Variants in BRIP1 observed in about 807,000 individuals in gnomAD.
BRIP1 encodes the protein Fanconi anemia group J protein.
BRIP1 carries 88 observed loss-of-function variants against 119.7 expected under a neutral mutation model. The observed-to-expected ratio is 0.74, with a 90% confidence interval of 0.62 to 0.88. The LOEUF (loss-of-function observed/expected upper bound fraction) is 0.88. Ranked by LOEUF, BRIP1 falls within the 40% of genes least tolerant of loss-of-function variation. The pLI is 0.00. For missense variants in BRIP1, 1,259 were observed against 1,455.4 expected (o/e 0.87, Z 2.20); for synonymous variants, 443 against 496.5 (o/e 0.89, Z 1.43).
Position 61,741,229 on chromosome 17 carries a change from G to A in BRIP1, c.2379+1784C>T, listed in dbSNP as rs566112291. On this transcript the variant is annotated intron_variant, in intron 16 of 19. Coordinates refer to ENST00000259008, the MANE Select transcript of BRIP1 (RefSeq NM_032043.3). ...CATGAGATTGCAGCAATTTAGTCAC[G>A]TCTTAAGCTCCACTTCTAATTTAGT... Among the ~76,000 whole-genome samples, 38 of 152,202 alleles carry A rather than the reference G, an allele frequency of 2.5e-4. No homozygotes were observed. The South Asian group carries it at 7.7e-3, about 31-fold the overall frequency.
intron 6 of BRIP1, among the ~76,000 whole-genome samples, chr17:61,820,521 G>A (rs902714181): frequency 6.6e-6 from 1 of 152,140 alleles, no homozygotes; most frequent in Non-Finnish European, 1.5e-5. Flanking sequence ...GCCACATTTG[G>A]ATGAGACATA....
rs149016505 is a variant in BRIP1, at chr17:61,683,868, C to T, written c.3178G>A (p.Val1060Ile). 17 of 1,614,050 alleles carry T rather than the reference C, an allele frequency of 1.1e-5. No homozygotes were observed. The highest frequency in any genetic ancestry group is 1.6e-4 in the Middle Eastern group (1 of 6,084). ...GGGCATGATCCAAACGATGTGTTTA[C>T]TGTCAGATTTGAGGATTCACATTTA... ...TDKCESSNLT[V>I]NTSFGSCPQS... is the part of the protein sequence containing the mutation. The change falls in exon 20 of 20, where the codon GTA (valine) becomes ATA (isoleucine). Residue 1060 changes from valine (V) to isoleucine (I), a missense_variant. By Grantham distance (29) the Val-to-Ile change is conservative. Coordinates refer to ENST00000259008, the MANE Select transcript of BRIP1 (RefSeq NM_032043.3). This position sits in a 1 kb window ranked among gnomAD's most constrained non-coding sequence, Gnocchi z 4.7.
At chr17:61,786,989 A>G (rs1469301131) in intron 10 of BRIP1, among the ~76,000 whole-genome samples, 1 of 82,496 alleles carries the variant, frequency 1.2e-5, no homozygotes, top group East Asian at 3.5e-4. Flanking sequence ...AATTTATATA[A>G]ATTTATAAAT....
At chr17:61,835,748 T>C (rs928412797) in intron 6 of BRIP1, among the ~76,000 whole-genome samples, 7 of 151,074 alleles carry the variant, frequency 4.6e-5, no homozygotes, top group Non-Finnish European at 7.4e-5. Flanking sequence ...TCCAAGTACA[T>C]ATAACAATTT....
intron 4 of BRIP1, among the ~76,000 whole-genome samples, chr17:61,855,506 G>A (rs903452093): frequency 6.6e-6 from 1 of 150,868 alleles, no homozygotes. Flanking sequence ...TCGAACCCAG[G>A]AGGTGAAGGT....
intron 6 of BRIP1, among the ~76,000 whole-genome samples, chr17:61,813,780 A>G (rs1163249456): frequency 2.6e-5 from 4 of 152,002 alleles, no homozygotes; most frequent in African/African-American, 4.8e-5. Context: ...GAATCCCTAT[A>G]TATCAAGCCA....
In BRIP1 at chr17:61,827,407, C is replaced by A. The variant is rs967176982; in HGVS notation, c.628-18650G>T. 6.6e-6 allele frequency among the ~76,000 whole-genome samples: 1 copy of A among 151,974 alleles called. No homozygotes were observed. Among genetic ancestry groups the A allele is most frequent in the Non-Finnish European group, 1.5e-5 (1 of 68,000 alleles). ...CCTATATAACAAACCTGAGCATGTA[C>A]CCCTGAACTTAAAATAAAAATTAAA... On this transcript the variant is annotated intron_variant, in intron 6 of 19. Coordinates refer to ENST00000259008, the MANE Select transcript of BRIP1 (RefSeq NM_032043.3). This position sits in a 1 kb window ranked among gnomAD's most constrained non-coding sequence, Gnocchi z 5.8.
rs1216932812 is a variant in BRIP1 at position 61,844,874 on chromosome 17, T to C, written c.627+2227A>G. Among the ~76,000 whole-genome samples the C allele has an allele frequency of 6.6e-6, 1 of 152,222 alleles. No homozygotes were observed. Among genetic ancestry groups the C allele is most frequent in the Non-Finnish European group, 1.5e-5 (1 of 68,038 alleles). On this transcript the variant is annotated intron_variant, in intron 6 of 19. Transcript: ENST00000259008. The surrounding 1 kb of genome is among the most constrained non-coding windows in gnomAD (Gnocchi z 4.7). ...CAGTTTCTTCCTTCTCAGAGTTTCC[T>C]CATCTGTACGATGGGAATACCAATA...
rs1405646203 is a variant in BRIP1, at chr17:61,740,509, TCTCA to T, written c.2379+2500_2379+2503del. ...ATAAAATCTGTATCTACTAAATTTT[TCTCA>T]CTCATTCAGATTCACCAAAGATTTA... On this transcript the variant is annotated intron_variant, in intron 16 of 19. Transcript: ENST00000259008. This position sits in a 1 kb window ranked among gnomAD's most constrained non-coding sequence, Gnocchi z 5.4. Among the ~76,000 whole-genome samples the T allele has an allele frequency of 6.6e-6, 1 of 152,152 alleles. No individual in the cohort carries two copies. Among genetic ancestry groups the T allele is most frequent in the East Asian group, 1.9e-4 (1 of 5,188 alleles).
rs549261984 is a variant in BRIP1 at position 61,807,333 on chromosome 17, A to T, written c.918+1134T>A. Among the ~76,000 whole-genome samples, 1 of 152,224 alleles carries T rather than the reference A, an allele frequency of 6.6e-6. No individual in the cohort carries two copies. The highest frequency in any genetic ancestry group is 1.5e-5 in the Non-Finnish European group (1 of 68,036). On this transcript the variant is annotated intron_variant, in intron 7 of 19. Transcript: ENST00000259008. The surrounding 1 kb of genome is among the most constrained non-coding windows in gnomAD (Gnocchi z 4.5). Reference sequence around the variant, plus strand: ...TAGTTAGAAATAACTCTTTGGAAATAAATATGACTGTAGGATTTCAACAAT... The same window carrying T: ...TAGTTAGAAATAACTCTTTGGAAATTAATATGACTGTAGGATTTCAACAAT...
rs2077163202 is a variant in BRIP1 at position 61,753,677 on chromosome 17, T to C, written c.2098-9086A>G. Among the ~76,000 whole-genome samples the C allele has an allele frequency of 6.6e-6, 1 of 151,740 alleles. No homozygotes were observed. The highest frequency in any genetic ancestry group is 2.1e-4 in the South Asian group (1 of 4,796). On this transcript the variant is annotated intron_variant, in intron 14 of 19. Coordinates refer to ENST00000259008, the MANE Select transcript of BRIP1 (RefSeq NM_032043.3). The surrounding 1 kb of genome is among the most constrained non-coding windows in gnomAD (Gnocchi z 4.6). ...AGTGCAGTGGTGTGATCACAGCTCA[T>C]TGTAGCCTCACATTCCTGGGCTCAA...
In BRIP1 at chr17:61,693,219, G is replaced by GA. The variant is rs2061473244; in HGVS notation, c.2575+210dup. Among the ~76,000 whole-genome samples the GA allele has an allele frequency of 6.6e-6, 1 of 152,148 alleles. No individual in the cohort carries two copies. The highest frequency in any genetic ancestry group is 1.5e-5 in the Non-Finnish European group (1 of 68,022). On this transcript the variant is annotated intron_variant, in intron 18 of 19. Coordinates refer to ENST00000259008, the MANE Select transcript of BRIP1 (RefSeq NM_032043.3). This position sits in a 1 kb window ranked among gnomAD's most constrained non-coding sequence, Gnocchi z 4.2. ...GTTGTCAGTGGACAGGGGGGAGAGG[G>GA]ACATGGGGCATTGCTGTTCAGTTGG... is the stretch of plus-strand genomic sequence containing the variant.
Position 61,740,209 on chromosome 17 carries a change from A to C in BRIP1, c.2379+2804T>G, listed in dbSNP as rs1438885658. 2.0e-5 allele frequency among the ~76,000 whole-genome samples: 3 copies of C among 152,106 alleles called. No homozygotes were observed. Among genetic ancestry groups the C allele is most frequent in the East Asian group, 1.9e-4 (1 of 5,186 alleles). On this transcript the variant is annotated intron_variant, in intron 16 of 19. Coordinates refer to ENST00000259008, the MANE Select transcript of BRIP1 (RefSeq NM_032043.3). The surrounding 1 kb of genome is among the most constrained non-coding windows in gnomAD (Gnocchi z 5.4). ...AGAGATCAGAATATGGAGTGACTAA[A>C]TCACAAGATCTGCAAGGCAGGACAC...
At chr17:61,716,835 A>ATTTCCACTACTGGAAATAATATTC (rs2061885948) in intron 16 of BRIP1, among the ~76,000 whole-genome samples, 3 of 13,524 alleles carry the variant, frequency 2.2e-4, no homozygotes, top group African/African-American at 4.8e-4. Flanking sequence ...CTACTGGATT[A>ATTTCCACTACTGGAAATAATATTC]TTAGCTATGT....
chr17:61,763,383 C>G (rs563527779), intron 14 of BRIP1, among the ~76,000 whole-genome samples: 1 of 152,106 alleles, frequency 6.6e-6, no homozygotes, highest in East Asian at 1.9e-4. Flanking sequence ...TTGCTGTGAA[C>G]CTAAAACTGG....
intron 6 of BRIP1, among the ~76,000 whole-genome samples, chr17:61,813,373 A>C (rs1025203629): frequency 3.9e-5 from 6 of 152,026 alleles, no homozygotes; most frequent in African/African-American, 1.4e-4. Context: ...ACATTTCTTT[A>C]TATAGCTCAT....
chr17:61,753,598 T>C lies in BRIP1; in HGVS notation c.2098-9007A>G, dbSNP rs1272969145. Among the ~76,000 whole-genome samples the C allele has an allele frequency of 6.7e-6, 1 of 149,436 alleles. No homozygotes were observed. The highest frequency in any genetic ancestry group is 1.5e-5 in the Non-Finnish European group (1 of 67,496). On this transcript the variant is annotated intron_variant, in intron 14 of 19. Transcript: ENST00000259008. The surrounding 1 kb of genome is among the most constrained non-coding windows in gnomAD (Gnocchi z 4.6). ...GGACCAGCAAGAAAATCTTATTTCC[T>C]CTCCATTTTTTTTTTTTTTTAGAGA...
At chr17:61,821,475 TCCTGC>T (rs1165659594) in intron 6 of BRIP1, among the ~76,000 whole-genome samples, 1 of 152,074 alleles carries the variant, frequency 6.6e-6, no homozygotes, top group Non-Finnish European at 1.5e-5. Context: ...GACCCTATTC[TCCTGC>T]CTCAATTTCA....
At chr17:61,811,147 A>G (rs1325968700) in intron 6 of BRIP1, among the ~76,000 whole-genome samples, 3 of 152,180 alleles carry the variant, frequency 2.0e-5, no homozygotes, top group Admixed American at 2.0e-4. Context: ...TAAGTTGTAA[A>G]GTAATATGAA....
Sources: allele counts gnomAD v4.1 joint callset (sites outside exome capture counted in the v4.1 genomes callset), GRCh38; gene constraint gnomAD v4.1.1; non-coding constraint Gnocchi (gnomAD v3.1); transcripts MANE v1.5; gene names NCBI Gene and HGNC (gene_info 2026-07-23, HGNC 2026-07-21).